CCDC178: variants seen among roughly 807,000 people sequenced by gnomAD.
The protein encoded by CCDC178 is coiled-coil domain containing 178, also known as coiled-coil domain-containing protein 178.
Under a neutral mutation model 117.4 loss-of-function variants are expected in CCDC178, and 126 were observed. That is an observed-to-expected ratio of 1.07 (90% CI 0.93 to 1.24). The LOEUF (loss-of-function observed/expected upper bound fraction) is 1.24, where lower values mean the gene tolerates loss of function less well. CCDC178 is among the 50% of genes most tolerant of loss of function. CCDC178 has a pLI of 0.00. For missense variants in CCDC178, 1,030 were observed against 986.9 expected (o/e 1.04, Z -0.59); for synonymous variants, 283 against 313.4 (o/e 0.90, Z 1.02).
chr18:33,158,546 C>T (rs2058427523), intron 20 of CCDC178, among the ~76,000 whole-genome samples: 1 of 151,766 alleles, frequency 6.6e-6, no homozygotes, highest in Non-Finnish European at 1.5e-5. Flanking sequence ...AAATTTTAGA[C>T]CAATTTATAT....
At chr18:32,961,478 C>A (rs978647949) in intron 22 of CCDC178, among the ~76,000 whole-genome samples, 2 of 152,032 alleles carry the variant, frequency 1.3e-5, no homozygotes, top group African/African-American at 4.8e-5. Flanking sequence ...CCAGTCTTTT[C>A]TTTTGTAAAG....
At chr18:33,358,345 C>T (rs11081803) in intron 6 of CCDC178, among the ~76,000 whole-genome samples, 1,836 of 151,474 alleles carry the variant, frequency 0.012, 22 homozygotes, top group Non-Finnish European at 0.015. Context: ...CAAGAATACC[C>T]GAAGAACTCT....
intron 20 of CCDC178, among the ~76,000 whole-genome samples, chr18:33,121,367 T>C (rs1424002595): frequency 1.3e-5 from 2 of 152,144 alleles, no homozygotes; most frequent in African/African-American, 2.4e-5. Context: ...CCTGATTGCC[T>C]GCCTTACAAA....
At chr18:33,393,682 G>C (rs2063592923) in intron 4 of CCDC178, among the ~76,000 whole-genome samples, 1 of 151,904 alleles carries the variant, frequency 6.6e-6, no homozygotes, top group African/African-American at 2.4e-5. Context: ...TTTTTCACTG[G>C]TCCACATTAT....
intron 6 of CCDC178, 81 bp from the exon 7 acceptor site, chr18:33,356,427 T>C: frequency 7.9e-7 from 1 of 1,272,032 alleles, no homozygotes; most frequent in Non-Finnish European, 1.1e-6. Context: ...AACTTGTCAA[T>C]TCTCTACTTT....
intron 20 of CCDC178, among the ~76,000 whole-genome samples, chr18:33,097,602 A>T (rs1352386459): frequency 6.6e-6 from 1 of 152,112 alleles, no homozygotes; most frequent in African/African-American, 2.4e-5. Flanking sequence ...GACTGGCTCC[A>T]GATCCTGTAC....
rs1350857727 is a variant in CCDC178, at chr18:33,211,960, A to G, written c.2174T>C (p.Phe725Ser). The G allele has an allele frequency of 1.9e-6, 3 of 1,609,678 alleles. No individual in the cohort carries two copies. The highest frequency in any genetic ancestry group is 1.3e-5 in the African/African-American group (1 of 74,714). ...CACTCTAAATCTCTGATCTTCCTCAAAGATTCTCTCTTCACAGTCTTTTTT... is the reference window on the plus strand; with the variant it reads ...CACTCTAAATCTCTGATCTTCCTCAGAGATTCTCTCTTCACAGTCTTTTTT... ...QEKKDCEERI[F>S]EEDQRFRVLL... The change falls in exon 20 of 23, where the codon TTT becomes TCT. Residue 725 changes from phenylalanine (F) to serine (S), a missense_variant. Coordinates refer to ENST00000383096, the MANE Select transcript of CCDC178 (RefSeq NM_001105528.4).
At chr18:32,987,521 A>G (rs535481417) in intron 21 of CCDC178, among the ~76,000 whole-genome samples, 1 of 152,264 alleles carries the variant, frequency 6.6e-6, no homozygotes, top group African/African-American at 2.4e-5. Context: ...ATATGTATAT[A>G]TGCATATATA....
chr18:33,029,385 A>G (rs2144854100), intron 21 of CCDC178, among the ~76,000 whole-genome samples: 1 of 151,776 alleles, frequency 6.6e-6, no homozygotes, highest in East Asian at 1.9e-4. Flanking sequence ...TGATTTTCAT[A>G]TTGCGTCTTT....
chr18:32,974,604 CCT>C lies in CCDC178; in HGVS notation c.2464_2465del (p.Arg822AlafsTer56), dbSNP rs770605714. The stretch of plus-strand genomic sequence containing the variant: ...GAGAGTCTGTCTGGAAGTTGGCCAG[CCT>C]CATCTGGCTGAAGAGGACCACCAGT... ...FKLVVLFSQM[R>X]LANFQTDSQE... On this transcript the variant is annotated frameshift_variant, in exon 22 of 23. Transcript: ENST00000383096. LOFTEE classifies it high-confidence loss of function. The C allele has an allele frequency of 1.2e-4, 199 of 1,613,444 alleles. 1 individual carries two copies. The highest frequency in any genetic ancestry group is 5.0e-4 in the Admixed American group (30 of 59,962).
At chr18:32,997,891 C>T (rs2055549967) in intron 21 of CCDC178, among the ~76,000 whole-genome samples, 1 of 151,942 alleles carries the variant, frequency 6.6e-6, no homozygotes, top group Non-Finnish European at 1.5e-5. Flanking sequence ...TTATACTATC[C>T]AAAATAAATA....
intron 2 of CCDC178, among the ~76,000 whole-genome samples, chr18:33,414,370 G>C (rs943707670): frequency 3.3e-5 from 5 of 152,010 alleles, no homozygotes; most frequent in African/African-American, 1.2e-4. Context: ...CATAAGAACA[G>C]AACAGAGCCC....
intron 16 of CCDC178, among the ~76,000 whole-genome samples, chr18:33,225,922 G>A (rs1281733304): frequency 6.6e-6 from 1 of 152,188 alleles, no homozygotes; most frequent in East Asian, 1.9e-4. Flanking sequence ...AGCACTTTGG[G>A]AGGCTGAGGC....
rs1419482129 is a variant in CCDC178 at position 33,011,794 on chromosome 18, A to T, written c.2389-37113T>A. ...AAAAAAAAAAAAAAAAAAAAAAAAA[A>T]AAAAAAAAAAAAAAGGACACAGGAA... On this transcript the variant is annotated intron_variant, in intron 21 of 22. Coordinates refer to ENST00000383096, the MANE Select transcript of CCDC178 (RefSeq NM_001105528.4). Among the ~76,000 whole-genome samples the T allele has an allele frequency of 1.3e-4, 16 of 121,902 alleles. No individual in the cohort carries two copies. In the East Asian group the frequency reaches 2.7e-3, roughly 21 times the overall value. The allele number at this position is 121,902 out of a possible 152,430, so 80.0% of individuals were successfully genotyped here. A position where few individuals can be genotyped will look rare whatever the true frequency, so the allele number is the denominator to read the frequency against.
chr18:33,014,154 C>T (rs551653489), intron 21 of CCDC178, among the ~76,000 whole-genome samples: 2 of 152,336 alleles, frequency 1.3e-5, no homozygotes, highest in South Asian at 4.1e-4. Context: ...CTTAATACCA[C>T]AATAACTGTG....
chr18:32,984,016 T>A (rs1448625535), intron 21 of CCDC178, among the ~76,000 whole-genome samples: 1 of 151,990 alleles, frequency 6.6e-6, no homozygotes, highest in African/African-American at 2.4e-5. Flanking sequence ...TATACAAATA[T>A]CAAAAGTAAT....
At chr18:33,260,754 T>G (rs983019950) in intron 14 of CCDC178, among the ~76,000 whole-genome samples, 17 of 152,116 alleles carry the variant, frequency 1.1e-4, no homozygotes, top group African/African-American at 3.9e-4. Flanking sequence ...AATAGACTAT[T>G]GTTTGTTAGA....
intron 5 of CCDC178, among the ~76,000 whole-genome samples, chr18:33,376,439 C>T (rs762313711): frequency 1.1e-4 from 17 of 152,038 alleles, no homozygotes; most frequent in Non-Finnish European, 2.4e-4. Context: ...TCTTGTTTTC[C>T]TTTTTTATAA....
chr18:33,394,939 A>ATGTG (rs1302202346), intron 4 of CCDC178, among the ~76,000 whole-genome samples: 203 of 76,100 alleles, frequency 2.7e-3, no homozygotes, highest in African/African-American at 7.6e-3. Context: ...CTGTATATGT[A>ATGTG]TGTGTATATA....
Sources: gnomAD v4.1 joint callset for allele counts (sites outside exome capture counted in the v4.1 genomes callset) on GRCh38, gnomAD v4.1.1 for gene constraint, MANE v1.5 for transcripts, NCBI Gene and HGNC (gene_info 2026-07-23, HGNC 2026-07-21) for gene names.